Variants in DENND5A observed in about 807,000 individuals in gnomAD.
The protein encoded by DENND5A is DENN domain containing 5A.
In DENND5A, 64 loss-of-function variants were observed where a neutral mutation model predicts 140.3. The ratio of observed to expected loss-of-function variants is 0.46; its 90% CI spans 0.37 to 0.56. The LOEUF is 0.56. Ranked by LOEUF, DENND5A falls within the 20% of genes least tolerant of loss-of-function variation. The pLI is 0.00. For missense variants in DENND5A, 1,292 were observed against 1,593.8 expected (o/e 0.81, Z 3.22); for synonymous variants, 605 against 607.7 (o/e 1.00, Z 0.07).
intron 1 of DENND5A, among the ~76,000 whole-genome samples, chr11:9,260,826 G>C (rs911046309): frequency 1.3e-5 from 2 of 152,050 alleles, no homozygotes; most frequent in African/African-American, 4.8e-5. Context: ...ATGCTTATTT[G>C]GGTTTTTTTA....
Position 9,142,043 on chromosome 11 carries a change from T to G in DENND5A, c.3577A>C (p.Thr1193Pro). ...AATCGGCAGAAGTTCCGGGCTCTTG[T>G]ATGCCAGTTTTCCTCAGGGACTACT... ...NEVVPEENWH[T>P]RARNFCRFVT... Residue 1193 changes from threonine to proline, a missense_variant, in exon 22 of 23, where the codon ACA becomes CCA. Physicochemically the swap from Thr to Pro is conservative, Grantham distance 38 (BLOSUM62 -1). Around this residue, in one of 4 missense-constraint regions of DENND5A, gnomAD observed 498 missense variants for 689.7 expected, o/e 0.72. Coordinates refer to ENST00000328194, the MANE Select transcript of DENND5A (RefSeq NM_015213.4). The G allele has an allele frequency of 6.2e-7, 1 of 1,606,504 alleles. No individual in the cohort carries two copies. Among genetic ancestry groups the G allele is most frequent in the Non-Finnish European group, 8.5e-7 (1 of 1,176,578 alleles).
intron 1 of DENND5A, among the ~76,000 whole-genome samples, chr11:9,217,979 A>T (rs1409683063): frequency 1.3e-5 from 2 of 152,202 alleles, no homozygotes; most frequent in East Asian, 3.8e-4. Context: ...AGAAAATAAA[A>T]CAAGGCTGGG....
chr11:9,233,165 C>T (rs1489115324), intron 1 of DENND5A, among the ~76,000 whole-genome samples: 1 of 152,132 alleles, frequency 6.6e-6, no homozygotes, highest in African/African-American at 2.4e-5. Context: ...CTTTGGGAAG[C>T]CGAGGCAGGC....
In DENND5A at chr11:9,193,688, C is replaced by G; in HGVS notation, c.950-7G>C. On this transcript the variant is annotated splice_region_variant and splice_polypyrimidine_tract_variant and intron_variant, in intron 4 of 22. Coordinates refer to ENST00000328194, the MANE Select transcript of DENND5A (RefSeq NM_015213.4). Reference sequence around the variant, plus strand: ...GTCATCAGTCTCTGGTAATCTGGGTCAACAACAACAAAAAAAGCACACACA... The same window carrying G: ...GTCATCAGTCTCTGGTAATCTGGGTGAACAACAACAAAAAAAGCACACACA... The G allele has an allele frequency of 6.9e-6, 11 of 1,591,056 alleles. No homozygotes were observed. The highest frequency in any genetic ancestry group is 9.4e-6 in the Non-Finnish European group (11 of 1,170,600).
chr11:9,146,955 G>C, intron 16 of DENND5A, 75 bp downstream of exon 16: 1 of 1,507,814 alleles, frequency 6.6e-7, no homozygotes, highest in Non-Finnish European at 9.2e-7. Flanking sequence ...TTTAAAAAGG[G>C]GACAATGAGT....
At chr11:9,157,033 A>G (rs906461172) in intron 12 of DENND5A, among the ~76,000 whole-genome samples, 3 of 152,210 alleles carry the variant, frequency 2.0e-5, no homozygotes, top group African/African-American at 7.2e-5. Context: ...TTCAAAATAC[A>G]GGAAGAAGCT....
At chr11:9,160,667 A>T in intron 12 of DENND5A, 46 bp downstream of exon 12, 1 of 1,562,440 alleles carries the variant, frequency 6.4e-7, no homozygotes, top group Non-Finnish European at 8.7e-7. Flanking sequence ...GTAACTGAAA[A>T]CAGGAAGACA....
At chr11:9,236,798 C>A (rs1377611517) in intron 1 of DENND5A, among the ~76,000 whole-genome samples, 1 of 151,612 alleles carries the variant, frequency 6.6e-6, no homozygotes, top group East Asian at 1.9e-4. Flanking sequence ...GGCAGGCAGG[C>A]AAAGGATACA....
At chr11:9,195,337 A>G (rs1214759483) in intron 4 of DENND5A, among the ~76,000 whole-genome samples, 1 of 152,144 alleles carries the variant, frequency 6.6e-6, no homozygotes, top group African/African-American at 2.4e-5. Context: ...CGGCCTCCCA[A>G]AGTGCTGGGA....
intron 1 of DENND5A, among the ~76,000 whole-genome samples, chr11:9,258,289 C>G (rs550328866): frequency 6.0e-5 from 9 of 150,340 alleles, no homozygotes; most frequent in East Asian, 3.9e-4. Flanking sequence ...CCCCACCCCC[C>G]CAACAGGCCC....
chr11:9,180,936 C>T lies in DENND5A; in HGVS notation c.1286G>A (p.Ser429Asn), dbSNP rs899011668. ...GIPPEGNLHC[S>N]ESASKLKRLR... ...CCTCTTCAGCTTGGAGGCACTCTCA[C>T]TGCAATGAAGATTCCCTTCAGGGGG... Residue 429 changes from serine (S) to asparagine (N), a missense_variant, in exon 6 of 23, where the codon AGT becomes AAT. Transcript: ENST00000328194. The T allele has an allele frequency of 3.1e-6, 5 of 1,614,198 alleles. No individual in the cohort carries two copies. The highest frequency in any genetic ancestry group is 4.2e-6 in the Non-Finnish European group (5 of 1,180,038).
chr11:9,141,089 G>T (rs1426670594), intron 22 of DENND5A, among the ~76,000 whole-genome samples: 1 of 152,104 alleles, frequency 6.6e-6, no homozygotes, highest in Non-Finnish European at 1.5e-5. Flanking sequence ...TCACACCATT[G>T]CACTCCAGCC....
At chr11:9,150,642 G>T in intron 14 of DENND5A, 38 bp downstream of exon 14, 1 of 1,487,216 alleles carries the variant, frequency 6.7e-7, no homozygotes, top group South Asian at 1.2e-5. Flanking sequence ...ACTGAAAACA[G>T]GATTTTAGTG....
chr11:9,172,455 C>T (rs1017368898), intron 8 of DENND5A, among the ~76,000 whole-genome samples: 3 of 152,112 alleles, frequency 2.0e-5, no homozygotes, highest in Non-Finnish European at 2.9e-5. Context: ...ATGTCCGCAC[C>T]CAAATCTCAA....
rs1271008785 is a variant in DENND5A, at chr11:9,250,807, T to C, written c.109+14154A>G. Among the ~76,000 whole-genome samples the C allele has an allele frequency of 5.9e-5, 9 of 152,262 alleles. No individual in the cohort carries two copies. The South Asian group carries it at 1.9e-3, about 32-fold the overall frequency. ...TGTGACCAATATAAACCAATGCACATACATTGTTTGGCCAACTGGAATAGT... is the reference window on the plus strand; with the variant it reads ...TGTGACCAATATAAACCAATGCACACACATTGTTTGGCCAACTGGAATAGT... On this transcript the variant is annotated intron_variant, in intron 1 of 22. Coordinates refer to ENST00000328194, the MANE Select transcript of DENND5A (RefSeq NM_015213.4).
chr11:9,153,344 CA>C (rs59736475), intron 12 of DENND5A, among the ~76,000 whole-genome samples: 376 of 26,994 alleles, frequency 0.014, no homozygotes, highest in African/African-American at 0.034. Flanking sequence ...GGCTCCCTCT[CA>C]AAAAAAAAAA....
At position 9,181,460 on chromosome 11, in the gene DENND5A, G is replaced by A. The variant is rs116957335; in HGVS notation, c.1138-376C>T. Among the ~76,000 whole-genome samples, 62 of 152,254 alleles carry A rather than the reference G, an allele frequency of 4.1e-4. No individual in the cohort carries two copies. In the East Asian group the frequency reaches 5.4e-3, roughly 13 times the overall value. On this transcript the variant is annotated intron_variant, in intron 5 of 22. Transcript: ENST00000328194. ...ATTAAATGTTTGGTAAAGGCCAGGC[G>A]CAGTGGCTCACATCTGCAATGCCAA...
chr11:9,155,618 T>C (rs1234703137), intron 12 of DENND5A, among the ~76,000 whole-genome samples: 1 of 152,244 alleles, frequency 6.6e-6, no homozygotes, highest in Admixed American at 6.5e-5. Flanking sequence ...AGCCTGACTA[T>C]CCATTTATGG....
At chr11:9,191,998 G>T (rs1849142440) in intron 5 of DENND5A, among the ~76,000 whole-genome samples, 1 of 152,106 alleles carries the variant, frequency 6.6e-6, no homozygotes, top group Non-Finnish European at 1.5e-5. Context: ...TCAACTCAAT[G>T]ATTTTATCCA....
Sources: gnomAD v4.1 joint callset for allele counts (sites outside exome capture counted in the v4.1 genomes callset) on GRCh38, gnomAD v4.1.1 for gene constraint, gnomAD v4.1.1 regional missense constraint, MANE v1.5 for transcripts, NCBI Gene and HGNC (gene_info 2026-07-23, HGNC 2026-07-21) for gene names.